The following BMPR1B variants were observed in gnomAD, a reference collection of about 807,000 sequenced individuals.
BMPR1B encodes bone morphogenetic protein receptor type 1B.
Under a neutral mutation model 59.1 loss-of-function variants are expected in BMPR1B, and 12 were observed. That is an observed-to-expected ratio of 0.20 (90% CI 0.13 to 0.33). The LOEUF (loss-of-function observed/expected upper bound fraction) is 0.33. Among genes scored for constraint, BMPR1B ranks in the 10% least tolerant of loss-of-function variants. BMPR1B has a pLI of 1.00. For missense variants in BMPR1B, 550 were observed against 610.9 expected (o/e 0.90, Z 1.05); for synonymous variants, 237 against 207.3 (o/e 1.14, Z -1.23).
intron 3 of BMPR1B, among the ~76,000 whole-genome samples, chr4:95,028,001 G>C (rs1477779830): frequency 6.6e-6 from 1 of 152,076 alleles, no homozygotes; most frequent in Non-Finnish European, 1.5e-5. Context: ...GCAATAGAAA[G>C]GCAGGGCCAA....
intron 2 of BMPR1B, among the ~76,000 whole-genome samples, chr4:94,894,932 A>G (rs1377228857): frequency 6.6e-6 from 1 of 151,922 alleles, no homozygotes; most frequent in Non-Finnish European, 1.5e-5. Flanking sequence ...TAAATTCATG[A>G]TGAAACTACT....
chr4:95,070,585 C>T (rs1473116192), intron 3 of BMPR1B, among the ~76,000 whole-genome samples: 1 of 152,010 alleles, frequency 6.6e-6, no homozygotes, highest in East Asian at 1.9e-4. Flanking sequence ...GTGTGTTGGC[C>T]TAGGGCTCAG....
chr4:95,015,407 T>A (rs1269457724), intron 3 of BMPR1B, among the ~76,000 whole-genome samples: 1 of 152,118 alleles, frequency 6.6e-6, no homozygotes, highest in Non-Finnish European at 1.5e-5. Context: ...TAACAGAACT[T>A]CTTTTTTTGA....
At chr4:94,982,310 AAAAC>A (rs1364174035) in intron 2 of BMPR1B, among the ~76,000 whole-genome samples, 11 of 152,106 alleles carry the variant, frequency 7.2e-5, no homozygotes, top group Non-Finnish European at 1.5e-4. Flanking sequence ...TTTTTAAAAA[AAAAC>A]AAAACAAACA....
chr4:94,923,056 T>C (rs1454616108), intron 2 of BMPR1B, among the ~76,000 whole-genome samples: 1 of 152,160 alleles, frequency 6.6e-6, no homozygotes, highest in African/African-American at 2.4e-5. Context: ...TGACCTATTT[T>C]CCACCATGGG....
intron 3 of BMPR1B, among the ~76,000 whole-genome samples, chr4:95,072,624 A>G (rs960350686): frequency 6.6e-6 from 1 of 152,220 alleles, no homozygotes; most frequent in East Asian, 1.9e-4. Flanking sequence ...GAAACTAACT[A>G]TATGGGATTA....
chr4:95,073,570 A>G lies in BMPR1B; in HGVS notation c.-17-30838A>G, dbSNP rs530248053. Among the ~76,000 whole-genome samples the G allele has an allele frequency of 3.0e-4, 46 of 152,268 alleles. No homozygotes were observed. In the South Asian group the frequency reaches 8.9e-3, roughly 30 times the overall value. On this transcript the variant is annotated intron_variant, in intron 3 of 12. Coordinates refer to ENST00000515059, the MANE Select transcript of BMPR1B (RefSeq NM_001203.3). ...GTTAGTGAATTGTTTTGGATCCTTC[A>G]GAATTGGATGAGGGACTGAAAAGAA...
In BMPR1B at chr4:95,020,126, A is replaced by G. The variant is rs1241871251; in HGVS notation, c.-18+23992A>G. ...TGAAAACCCATTGCCTTAAATCTGC[A>G]GTTCTCAACCCAGAGACAATTTTGT... On this transcript the variant is annotated intron_variant, in intron 3 of 12. Transcript: ENST00000515059. 2.6e-5 allele frequency among the ~76,000 whole-genome samples: 4 copies of G among 152,308 alleles called. No homozygotes were observed. In the East Asian group the frequency reaches 5.8e-4, roughly 22 times the overall value.
At chr4:94,826,313 G>A (rs866398103) in intron 1 of BMPR1B, among the ~76,000 whole-genome samples, 6 of 152,314 alleles carry the variant, frequency 3.9e-5, no homozygotes, top group Middle Eastern at 3.4e-3. Context: ...TATTGCAGAT[G>A]TTATTTCTCT....
At chr4:95,135,894 A>G (rs1733741414) in intron 10 of BMPR1B, among the ~76,000 whole-genome samples, 1 of 152,164 alleles carries the variant, frequency 6.6e-6, no homozygotes, top group South Asian at 2.1e-4. Flanking sequence ...AACTTCCAAC[A>G]CTATGTCGAA....
intron 1 of BMPR1B, among the ~76,000 whole-genome samples, chr4:94,835,747 A>C (rs1029198116): frequency 6.6e-6 from 1 of 152,170 alleles, no homozygotes; most frequent in African/African-American, 2.4e-5. Context: ...TTTAGGAGTT[A>C]TCTAAATAAA....
chr4:94,810,442 T>TA (rs1317508465), intron 1 of BMPR1B, among the ~76,000 whole-genome samples: 2 of 152,156 alleles, frequency 1.3e-5, no homozygotes, highest in South Asian at 2.1e-4. Context: ...TTTCTGGAAT[T>TA]AAAAAATCGG....
intron 1 of BMPR1B, among the ~76,000 whole-genome samples, chr4:94,798,061 A>G (rs1341458042): frequency 6.6e-6 from 1 of 152,214 alleles, no homozygotes; most frequent in African/African-American, 2.4e-5. Context: ...AGCATTTGTG[A>G]TTATTATTTT....
chr4:94,803,088 CTTCA>C (rs1723471401), intron 1 of BMPR1B, among the ~76,000 whole-genome samples: 1 of 152,074 alleles, frequency 6.6e-6, no homozygotes, highest in South Asian at 2.1e-4. Flanking sequence ...GTCAGTTCTT[CTTCA>C]TTTCTCTCAT....
chr4:94,894,438 A>AAGAGAGAGAGAGAG (rs35163913), intron 2 of BMPR1B, among the ~76,000 whole-genome samples: 32 of 149,484 alleles, frequency 2.1e-4, no homozygotes, highest in African/African-American at 4.9e-4. Context: ...TGGCCTTTAA[A>AAGAGAGAGAGAGAG]AGAGAGAGAG....
chr4:94,837,482 G>T (rs1333050953), intron 1 of BMPR1B, among the ~76,000 whole-genome samples: 2 of 144,376 alleles, frequency 1.4e-5, no homozygotes. Context: ...ACATCCCTTG[G>T]AAGTTGGATT....
intron 10 of BMPR1B, among the ~76,000 whole-genome samples, chr4:95,139,319 GCCCCTACTGGGAGGTGCCT>G (rs1734040002): frequency 1.3e-5 from 2 of 152,248 alleles, no homozygotes; most frequent in South Asian, 4.1e-4. Flanking sequence ...GTGTCAGTCG[GCCCCTACTGGGAGGTGCCT>G]CCCAGTTAGG....
Position 94,957,333 on chromosome 4 carries a change from G to GTTT in BMPR1B, c.-112-38682_-112-38680dup, listed in dbSNP as rs56341742. The stretch of plus-strand genomic sequence containing the variant: ...ACAGAGAGTCCACCTCCTGTTTCGT[G>GTTT]TTTTTTTTTTTTTTTTTTTTTTTTT... On this transcript the variant is annotated intron_variant, in intron 2 of 12. Coordinates refer to ENST00000515059, the MANE Select transcript of BMPR1B (RefSeq NM_001203.3). Among the ~76,000 whole-genome samples, 138 of 65,658 alleles carry GTTT rather than the reference G, an allele frequency of 2.1e-3. 5 individuals carry two copies. The highest frequency in any genetic ancestry group is 7.1e-3 in the African/African-American group (128 of 17,966). 43.1% of individuals were successfully genotyped at this position (65,658 alleles called of 152,430 possible).
intron 3 of BMPR1B, among the ~76,000 whole-genome samples, chr4:95,042,945 G>A (rs1267123273): frequency 6.6e-6 from 1 of 151,748 alleles, no homozygotes; most frequent in Non-Finnish European, 1.5e-5. Context: ...GGAGGCCGAG[G>A]CGGGTGGATC....
Sources: gnomAD v4.1 joint callset for allele counts (sites outside exome capture counted in the v4.1 genomes callset) on GRCh38, gnomAD v4.1.1 for gene constraint, MANE v1.5 for transcripts, NCBI Gene and HGNC (gene_info 2026-07-23, HGNC 2026-07-21) for gene names.